The following SEL1L2 variants were observed in gnomAD, a reference collection of about 807,000 sequenced individuals.
The protein encoded by SEL1L2 is protein sel-1 homolog 2.
A neutral mutation model predicts 98.8 loss-of-function variants in SEL1L2; 89 were observed. That is an observed-to-expected ratio of 0.90 (90% CI 0.76 to 1.07). SEL1L2 has a LOEUF of 1.07. SEL1L2 is among the 50% of genes least tolerant of loss of function. SEL1L2 has a pLI of 0.00. For missense variants in SEL1L2, 788 were observed against 812.0 expected (o/e 0.97, Z 0.36); for synonymous variants, 262 against 278.5 (o/e 0.94, Z 0.59).
At position 13,850,296 on chromosome 20, in the gene SEL1L2, C is replaced by A; in HGVS notation, c.1842G>T (p.Leu614Phe). 1 of 1,614,086 alleles carries A rather than the reference C, an allele frequency of 6.2e-7. No homozygotes were observed. Among genetic ancestry groups the A allele is most frequent in the Non-Finnish European group, 8.5e-7 (1 of 1,179,934 alleles). Reference sequence around the variant, plus strand: ...GACTCGTTTGAGCAGCCATGTCGTACAATCTTCTGGCCAAGTGAATGTCCT... The same window carrying A: ...GACTCGTTTGAGCAGCCATGTCGTAAAATCTTCTGGCCAAGTGAATGTCCT... ...ITKDIHLARR[L>F]YDMAAQTSPD... is the part of the protein sequence containing the mutation. The change falls in exon 19 of 20, where the codon TTG becomes TTT. Residue 614 changes from leucine (L) to phenylalanine (F), a missense_variant. By Grantham distance (22) the Leu-to-Phe change is conservative. Transcript: ENST00000284951.
Position 13,866,848 on chromosome 20 carries a change from C to T in SEL1L2, c.1258G>A (p.Gly420Ser). ...QFQLGFMYYS[G>S]SGIWKDYKLA... The stretch of plus-strand genomic sequence containing the variant: ...TTATAATCCTTCCATATTCCAGAGC[C>T]AGCTGAAAATTAAAATTGTTTTGAG... The change falls in exon 15 of 20, where the codon GGC (glycine) becomes AGC (serine). Residue 420 changes from glycine (G) to serine (S), a missense_variant and splice_region_variant. By Grantham distance (56) the Gly-to-Ser change is moderately conservative. Coordinates refer to ENST00000284951, the MANE Select transcript of SEL1L2 (RefSeq NM_025229.2). 1.2e-6 allele frequency: 2 copies of T among 1,600,550 alleles called. No individual in the cohort carries two copies. Among genetic ancestry groups the T allele is most frequent in the Non-Finnish European group, 1.7e-6 (2 of 1,175,610 alleles).
intron 2 of SEL1L2, among the ~76,000 whole-genome samples, chr20:13,949,542 T>C (rs1180250841): frequency 2.0e-5 from 3 of 152,172 alleles, no homozygotes; most frequent in Non-Finnish European, 4.4e-5. Context: ...CAGGTGCCTG[T>C]AGTCCCAGCT....
intron 18 of SEL1L2, chr20:13,851,237 A>C (rs896505204): frequency 2.6e-5 from 4 of 152,194 alleles, no homozygotes; most frequent in Non-Finnish European, 5.9e-5. Context: ...AAAAGAAAAA[A>C]AAAATTGTAC....
intron 2 of SEL1L2, among the ~76,000 whole-genome samples, 161 bp downstream of exon 2, chr20:13,955,915 G>A (rs2050514219): frequency 6.6e-6 from 1 of 151,912 alleles, no homozygotes; most frequent in African/African-American, 2.4e-5. Flanking sequence ...TCCTCTCACG[G>A]TTGACTAAGC....
rs1005372238 is a variant in SEL1L2, at chr20:13,859,847, C to T, written c.1646-413G>A. Among the ~76,000 whole-genome samples the T allele has an allele frequency of 6.6e-5, 10 of 152,118 alleles. No individual in the cohort carries two copies. The East Asian group carries it at 1.7e-3, about 26-fold the overall frequency. On this transcript the variant is annotated intron_variant, in intron 17 of 19. Coordinates refer to ENST00000284951, the MANE Select transcript of SEL1L2 (RefSeq NM_025229.2). ...CCCAAGTAGCTGGGATTCCAGGCGC[C>T]CGCCACCATGCCCGGCTAACTTTTT...
At chr20:13,964,835 CTT>C (rs2050965564) in intron 1 of SEL1L2, among the ~76,000 whole-genome samples, 1 of 152,062 alleles carries the variant, frequency 6.6e-6, no homozygotes, top group Non-Finnish European at 1.5e-5. Context: ...GTAATGACCT[CTT>C]TTTCTTGTCT....
intron 5 of SEL1L2, among the ~76,000 whole-genome samples, chr20:13,902,149 C>T (rs2047712247): frequency 6.6e-6 from 1 of 152,110 alleles, no homozygotes; most frequent in African/African-American, 2.4e-5. Flanking sequence ...AAGCTGCTTC[C>T]ACCTCATCCC....
intron 2 of SEL1L2, among the ~76,000 whole-genome samples, chr20:13,942,736 A>G (rs1600851066): frequency 6.6e-6 from 1 of 152,226 alleles, no homozygotes; most frequent in South Asian, 2.1e-4. Flanking sequence ...CAGAAATTGA[A>G]AATATGTCAG....
At chr20:13,980,858 A>C (rs999492779) in intron 1 of SEL1L2, among the ~76,000 whole-genome samples, 2 of 152,222 alleles carry the variant, frequency 1.3e-5, no homozygotes, top group Non-Finnish European at 2.9e-5. Context: ...CCTGGAGTAC[A>C]TTATACTAAA....
At chr20:13,871,292 A>G (rs1302255198) in intron 12 of SEL1L2, among the ~76,000 whole-genome samples, 1 of 152,098 alleles carries the variant, frequency 6.6e-6, no homozygotes, top group African/African-American at 2.4e-5. Flanking sequence ...ATTACTATTT[A>G]TTTTCTGATT....
At chr20:13,868,928 C>A (rs2147844886) in intron 14 of SEL1L2, among the ~76,000 whole-genome samples, 1 of 152,212 alleles carries the variant, frequency 6.6e-6, no homozygotes, top group East Asian at 1.9e-4. Context: ...AGGTTTCTCA[C>A]TGCATTTCAC....
At chr20:13,911,049 C>T (rs2048185735) in intron 5 of SEL1L2, among the ~76,000 whole-genome samples, 2 of 152,190 alleles carry the variant, frequency 1.3e-5, no homozygotes, top group Admixed American at 1.3e-4. Context: ...TTTGTTATTT[C>T]CTTTATCCAA....
chr20:13,962,591 T>G (rs1271030989), intron 1 of SEL1L2, among the ~76,000 whole-genome samples: 1 of 152,234 alleles, frequency 6.6e-6, no homozygotes, highest in Admixed American at 6.5e-5. Flanking sequence ...CATTGTTGTT[T>G]GAACTCACTA....
intron 19 of SEL1L2, 167 bp downstream of exon 19, chr20:13,850,024 A>G: frequency 1.4e-6 from 1 of 693,078 alleles, no homozygotes; most frequent in Non-Finnish European, 2.4e-6. Flanking sequence ...CACATACTCA[A>G]TAGAACATGC....
intron 4 of SEL1L2, among the ~76,000 whole-genome samples, chr20:13,917,230 GC>G (rs894412996): frequency 2.6e-5 from 4 of 152,084 alleles, no homozygotes; most frequent in Non-Finnish European, 5.9e-5. Flanking sequence ...TACTTATTTA[GC>G]CAGTGGGCAT....
intron 1 of SEL1L2, among the ~76,000 whole-genome samples, chr20:13,957,379 G>C (rs2050591373): frequency 6.6e-6 from 1 of 152,212 alleles, no homozygotes; most frequent in South Asian, 2.1e-4. Flanking sequence ...TGGGATTACA[G>C]GCGTGAGCTG....
At chr20:13,908,478 T>C (rs1359125900) in intron 5 of SEL1L2, among the ~76,000 whole-genome samples, 1 of 152,152 alleles carries the variant, frequency 6.6e-6, no homozygotes, top group Non-Finnish European at 1.5e-5. Flanking sequence ...TCTGGCAAAT[T>C]AACAAATTTC....
chr20:13,987,089 C>T (rs185773310), intron 1 of SEL1L2, among the ~76,000 whole-genome samples: 2 of 149,732 alleles, frequency 1.3e-5, no homozygotes, highest in African/African-American at 2.5e-5. Context: ...CCTCAGCCCC[C>T]CAAAGTGCTG....
In SEL1L2 at chr20:13,880,095, A is replaced by G. The variant is rs542035625; in HGVS notation, c.958-2507T>C. ...TGTTAGGCACCAGGAAATGTTTCAG[A>G]AATGAATAAATGTATGAATGTCTAT... On this transcript the variant is annotated intron_variant, in intron 10 of 19. Transcript: ENST00000284951. 9.2e-5 allele frequency among the ~76,000 whole-genome samples: 14 copies of G among 152,358 alleles called. No homozygotes were observed. In the South Asian group the frequency reaches 2.7e-3, roughly 29 times the overall value.
Sources: allele counts gnomAD v4.1 joint callset (sites outside exome capture counted in the v4.1 genomes callset), GRCh38; gene constraint gnomAD v4.1.1; transcripts MANE v1.5; gene names NCBI Gene and HGNC (gene_info 2026-07-23, HGNC 2026-07-21).